Variants in USP37 observed in about 807,000 individuals in gnomAD.
The protein encoded by USP37 is ubiquitin carboxyl-terminal hydrolase 37.
A neutral mutation model predicts 124.0 loss-of-function variants in USP37; 27 were observed. The observed-to-expected ratio is 0.22, with a 90% CI of 0.16 to 0.30. The LOEUF is 0.30. Ranked by LOEUF, USP37 falls within the 10% of genes least tolerant of loss-of-function variation. USP37 has a pLI of 1.00. For missense variants in USP37, 889 were observed against 1,140.4 expected (o/e 0.78, Z 3.17); for synonymous variants, 365 against 388.0 (o/e 0.94, Z 0.70).
At chr2:218,474,121 A>T (rs1009115329) in intron 20 of USP37, among the ~76,000 whole-genome samples, 2 of 152,244 alleles carry the variant, frequency 1.3e-5, no homozygotes, top group Non-Finnish European at 2.9e-5. Context: ...AAAATGAAAG[A>T]ATTATATGAA....
intron 10 of USP37, among the ~76,000 whole-genome samples, chr2:218,518,445 A>G (rs1403567182): frequency 6.6e-6 from 1 of 152,182 alleles, no homozygotes; most frequent in Non-Finnish European, 1.5e-5. Context: ...GTCTTGCTGC[A>G]TGTCTGGACA....
In USP37 at chr2:218,537,382, G is replaced by A. The variant is rs76821573; in HGVS notation, c.681-2676C>T. Reference sequence around the variant, plus strand: ...ATAATCCCAGGCTAGCCTGTTAACAGTGGAAGACACATGGCCCAATCACGC... The same window carrying A: ...ATAATCCCAGGCTAGCCTGTTAACAATGGAAGACACATGGCCCAATCACGC... On this transcript the variant is annotated intron_variant, in intron 8 of 25. Transcript: ENST00000258399. Among the ~76,000 whole-genome samples the A allele has an allele frequency of 2.6e-3, 395 of 152,310 alleles. 2 individuals are homozygous for A. Among genetic ancestry groups the A allele is most frequent in the African/African-American group, 9.2e-3 (384 of 41,568 alleles).
intron 8 of USP37, among the ~76,000 whole-genome samples, chr2:218,539,000 C>T (rs992203142): frequency 6.6e-6 from 1 of 152,186 alleles, no homozygotes; most frequent in Non-Finnish European, 1.5e-5. Context: ...CAGGGGCTTG[C>T]TCTGCTGCCC....
intron 7 of USP37, 22 bp downstream of exon 7, chr2:218,546,897 C>T: frequency 1.2e-6 from 2 of 1,600,378 alleles, no homozygotes; most frequent in Non-Finnish European, 1.7e-6. Context: ...CAGCTAGTGA[C>T]TAAGAAAAAA....
At chr2:218,527,271 C>A (rs1225655401) in intron 10 of USP37, among the ~76,000 whole-genome samples, 4 of 152,224 alleles carry the variant, frequency 2.6e-5, no homozygotes, top group Non-Finnish European at 4.4e-5. Flanking sequence ...TGTCTTTGCA[C>A]TCTACTCAGG....
chr2:218,550,127 T>C (rs1160915388), intron 5 of USP37, among the ~76,000 whole-genome samples: 1 of 151,942 alleles, frequency 6.6e-6, no homozygotes, highest in Admixed American at 6.6e-5. Flanking sequence ...AAAAATTAAG[T>C]AACACATATA....
At position 218,549,856 on chromosome 2, in the gene USP37, T is replaced by A. The variant is rs759524340; in HGVS notation, c.382A>T (p.Thr128Ser). 14 of 1,613,364 alleles carry A rather than the reference T, an allele frequency of 8.7e-6. No individual in the cohort carries two copies. In the Middle Eastern group the frequency reaches 6.6e-4, roughly 76 times the overall value. Residue 128 changes from threonine to serine, a missense_variant, in exon 6 of 26, where the codon ACC becomes TCC. Coordinates refer to ENST00000258399, the MANE Select transcript of USP37 (RefSeq NM_020935.3). ...TGCCTGCTGGTTTCCTTCTGTGAGG[T>A]CCTGCTGCCCAGAATGGCTCCAAAA... ...GSFGAILGSR[T>S]SQKETSRQLS...
Position 218,558,557 on chromosome 2 carries a change from C to G in USP37, c.97G>C (p.Glu33Gln). 6.2e-7 allele frequency: 1 copy of G among 1,613,598 alleles called. No individual in the cohort carries two copies. Among genetic ancestry groups the G allele is most frequent in the Non-Finnish European group, 8.5e-7 (1 of 1,179,822 alleles). ...TGAACTACTAGGCTGACTTTATTCTCTTTTTCTACAATTTCAAAGGATCCT... is the reference window on the plus strand; with the variant it reads ...TGAACTACTAGGCTGACTTTATTCTGTTTTTCTACAATTTCAAAGGATCCT... ...KEGSFEIVEK[E>Q]NKVSLVVHYN... The change falls in exon 4 of 26, where the codon GAG becomes CAG. Residue 33 changes from glutamate (E) to glutamine (Q), a missense_variant. Glu to Gln is a conservative substitution (Grantham distance 29). Coordinates refer to ENST00000258399, the MANE Select transcript of USP37 (RefSeq NM_020935.3).
At chr2:218,525,952 T>C (rs1380554188) in intron 10 of USP37, among the ~76,000 whole-genome samples, 1 of 152,232 alleles carries the variant, frequency 6.6e-6, no homozygotes, top group Non-Finnish European at 1.5e-5. Context: ...TGGTTTTCTG[T>C]TCCTGTGTTA....
chr2:218,566,448 C>G (rs909505008), intron 1 of USP37, among the ~76,000 whole-genome samples: 1 of 152,106 alleles, frequency 6.6e-6, no homozygotes, highest in Non-Finnish European at 1.5e-5. Flanking sequence ...GGAAATCCAC[C>G]AAAAGGTTTT....
chr2:218,479,565 T>C (rs1213754671), intron 18 of USP37, 85 bp downstream of exon 18: 21 of 1,106,484 alleles, frequency 1.9e-5, no homozygotes, highest in Non-Finnish European at 2.7e-5. Flanking sequence ...AAAACAATAA[T>C]GAAAAGGCAG....
chr2:218,481,570 T>C lies in USP37; in HGVS notation c.1835+500A>G, dbSNP rs570401766. Among the ~76,000 whole-genome samples the C allele has an allele frequency of 5.3e-5, 8 of 152,272 alleles. No homozygotes were observed. In the South Asian group the frequency reaches 1.7e-3, roughly 32 times the overall value. On this transcript the variant is annotated intron_variant, in intron 17 of 25. Transcript: ENST00000258399. Reference sequence around the variant, plus strand: ...TCACTATGAAAAGCAACTAATAACTTTGGAAAAATTTTAAGCATTTTCTTC... The same window carrying C: ...TCACTATGAAAAGCAACTAATAACTCTGGAAAAATTTTAAGCATTTTCTTC...
At chr2:218,561,821 G>T (rs1693328666) in intron 2 of USP37, among the ~76,000 whole-genome samples, 1 of 152,102 alleles carries the variant, frequency 6.6e-6, no homozygotes, top group Non-Finnish European at 1.5e-5. Context: ...TCAGGACTCA[G>T]GCCCTGCTTA....
intron 20 of USP37, 126 bp from the exon 21 acceptor site, chr2:218,466,302 C>A (rs1690315993): frequency 6.7e-6 from 7 of 1,046,216 alleles, no homozygotes; most frequent in South Asian, 1.7e-5. Context: ...TTAGGACATA[C>A]AATTTCACCT....
chr2:218,488,508 A>T (rs1691720691), intron 14 of USP37, 87 bp from the exon 15 acceptor site: 1 of 813,302 alleles, frequency 1.2e-6, no homozygotes, highest in South Asian at 2.0e-5. Context: ...CTTCCACAGA[A>T]CTTATGGTAC....
intron 17 of USP37, among the ~76,000 whole-genome samples, chr2:218,481,340 G>C (rs1480413262): frequency 6.6e-6 from 1 of 152,174 alleles, no homozygotes; most frequent in Non-Finnish European, 1.5e-5. Flanking sequence ...GTCCTGAAGA[G>C]TCAACTGAAG....
chr2:218,565,691 G>A (rs1160460330), intron 1 of USP37, among the ~76,000 whole-genome samples: 3 of 152,190 alleles, frequency 2.0e-5, no homozygotes, highest in Non-Finnish European at 4.4e-5. Flanking sequence ...TAAAAAAGAA[G>A]TGGTCACTAG....
chr2:218,474,657 C>T lies in USP37; in HGVS notation c.2272G>A (p.Glu758Lys). The T allele has an allele frequency of 6.2e-7, 1 of 1,614,196 alleles. No homozygotes were observed. Among genetic ancestry groups the T allele is most frequent in the Non-Finnish European group, 8.5e-7 (1 of 1,180,038 alleles). The change falls in exon 20 of 26, where the codon GAG (glutamate) becomes AAG (lysine). Residue 758 changes from glutamate (E) to lysine (K), a missense_variant. Around this residue, in one of 3 missense-constraint regions of USP37, gnomAD observed 504 missense variants for 714.3 expected, o/e 0.71. Coordinates refer to ENST00000258399, the MANE Select transcript of USP37 (RefSeq NM_020935.3). ...AGCTCTGTGATTGTTTTGGGCTTCT[C>T]AGTTTCCATAGTGTCTGGATTTTCT... is the stretch of plus-strand genomic sequence containing the variant. ...MPENPDTMET[E>K]KPKTITELDP... is the part of the protein sequence containing the mutation.
intron 11 of USP37, among the ~76,000 whole-genome samples, chr2:218,501,833 T>C (rs1489149898): frequency 2.0e-5 from 3 of 152,194 alleles, no homozygotes; most frequent in African/African-American, 7.2e-5. Context: ...CCAACCTGTG[T>C]ATGCAGAGTG....
Sources: gnomAD v4.1 joint callset for allele counts (sites outside exome capture counted in the v4.1 genomes callset) on GRCh38, gnomAD v4.1.1 for gene constraint, gnomAD v4.1.1 regional missense constraint, MANE v1.5 for transcripts, NCBI Gene and HGNC (gene_info 2026-07-23, HGNC 2026-07-21) for gene names.